The following KLHL4 variants were observed in gnomAD, a reference collection of about 807,000 sequenced individuals.
The protein encoded by KLHL4 is kelch like family member 4.
Under a neutral mutation model 45.8 loss-of-function variants are expected in KLHL4, and 17 were observed. The ratio of observed to expected loss-of-function variants is 0.37; its 90% confidence interval spans 0.25 to 0.56. The LOEUF (loss-of-function observed/expected upper bound fraction) is 0.56, where lower values mean the gene tolerates loss of function less well. Among genes scored for constraint, KLHL4 ranks in the 20% least tolerant of loss-of-function variants. The probability of loss-of-function intolerance (pLI) is 0.79; values close to 1 mark genes in which losing one functional copy is unlikely to be tolerated. For synonymous variants in KLHL4, 224 were observed against 189.9 expected, an observed-to-expected ratio of 1.18 and a Z score of -1.47; for missense variants, 544 against 544.9, an observed-to-expected ratio of 1.00 and a Z score of 0.02.
intron 6 of KLHL4, among the ~76,000 whole-genome samples, chrX:87,628,657 C>T (rs1012970190): frequency 9.0e-6 from 1 of 111,366 alleles, no homozygotes; most frequent in Admixed American, 9.5e-5. Context: ...GAAATCACCA[C>T]CAAAGAACTT....
At chrX:87,597,191 T>C (rs897816795) in intron 1 of KLHL4, among the ~76,000 whole-genome samples, 1 of 110,906 alleles carries the variant, frequency 9.0e-6, no homozygotes, top group Non-Finnish European at 1.9e-5. Context: ...TTAAATGAGT[T>C]ACTTTATATG....
At chrX:87,632,754 G>C (rs1285737463) in intron 7 of KLHL4, among the ~76,000 whole-genome samples, 4 of 111,478 alleles carry the variant, frequency 3.6e-5, no homozygotes, top group Non-Finnish European at 7.5e-5. Context: ...GAAAGTACTT[G>C]ACTATTGCGA....
chrX:87,541,654 CTT>C, intron 1 of KLHL4, among the ~76,000 whole-genome samples: 1 of 111,119 alleles, frequency 9.0e-6, no homozygotes. Flanking sequence ...AATTAAATCT[CTT>C]TTGTTTATGA....
intron 1 of KLHL4, among the ~76,000 whole-genome samples, chrX:87,585,418 C>G (rs1327936901): frequency 9.0e-6 from 1 of 111,488 alleles, no homozygotes; most frequent in South Asian, 3.7e-4. Flanking sequence ...TACAACTTTT[C>G]AAGACATAGT....
At chrX:87,618,990 T>A (rs1432993804) in intron 4 of KLHL4, among the ~76,000 whole-genome samples, 1 of 111,804 alleles carries the variant, frequency 8.9e-6, no homozygotes, top group African/African-American at 3.2e-5. Context: ...TAGAGCATAT[T>A]AAATGGACAG....
intron 3 of KLHL4, 124 bp from the exon 4 acceptor site, chrX:87,617,807 TG>T (rs751997463): frequency 2.0e-6 from 1 of 500,234 alleles, no homozygotes; most frequent in African/African-American, 2.4e-5. Flanking sequence ...CCTCAAAATG[TG>T]CTCCAAATCT....
intron 6 of KLHL4, among the ~76,000 whole-genome samples, chrX:87,630,274 C>A (rs769252997): frequency 9.0e-6 from 1 of 111,476 alleles, no homozygotes; most frequent in South Asian, 3.8e-4. Context: ...CACAAATCTC[C>A]CAATAAAGGA....
At chrX:87,650,232 G>A (rs1222155755) in intron 9 of KLHL4, among the ~76,000 whole-genome samples, 1 of 110,713 alleles carries the variant, frequency 9.0e-6, no homozygotes. Flanking sequence ...AGTAGTTGAG[G>A]CTACAGGCAT....
At chrX:87,547,756 G>A (rs1013080490) in intron 1 of KLHL4, among the ~76,000 whole-genome samples, 1 of 110,968 alleles carries the variant, frequency 9.0e-6, no homozygotes, top group Non-Finnish European at 1.9e-5. Context: ...GGGAGGTGGA[G>A]CTTGCAGTGA....
chrX:87,518,214 TA>T lies in KLHL4; in HGVS notation c.324del (p.Lys108AsnfsTer22). 8.3e-7 allele frequency: 1 copy of T among 1,211,342 alleles called. No homozygotes were observed. The highest frequency in any genetic ancestry group is 1.1e-6 in the Non-Finnish European group (1 of 894,967). On this transcript the variant is annotated frameshift_variant, in exon 1 of 11. Coordinates refer to ENST00000373119, the MANE Select transcript of KLHL4 (RefSeq NM_019117.5). LOFTEE classifies it high-confidence loss of function. ...VHFQANEDTPKSVPEKNLFKE... is the reference protein window; with the variant it reads ...VHFQANEDTPXSVPEKNLFKE... ...ATTTTCAAGCAAATGAAGATACTCC[TA>T]AATCAGTTCCAGAGAAGAATTTATT...
intron 9 of KLHL4, among the ~76,000 whole-genome samples, chrX:87,644,996 A>T (rs935360631): frequency 1.8e-5 from 2 of 111,912 alleles, no homozygotes; most frequent in East Asian, 5.6e-4. Flanking sequence ...TTAGGCAAGG[A>T]TGTCATGACC....
chrX:87,666,068 C>G (rs1207247853), intron 10 of KLHL4, among the ~76,000 whole-genome samples: 2 of 111,818 alleles, frequency 1.8e-5, no homozygotes, highest in Non-Finnish European at 3.8e-5. Flanking sequence ...ATATTTTTGG[C>G]TGTGTCACTG....
chrX:87,630,160 A>C (rs1446877292), intron 6 of KLHL4, among the ~76,000 whole-genome samples: 1 of 111,733 alleles, frequency 8.9e-6, no homozygotes, highest in Non-Finnish European at 1.9e-5. Flanking sequence ...AGGAGCAGTT[A>C]TATATTTAAT....
chrX:87,651,786 C>T (rs1049766789), intron 9 of KLHL4, among the ~76,000 whole-genome samples: 5 of 111,960 alleles, frequency 4.5e-5, no homozygotes, highest in South Asian at 3.7e-4. Context: ...GTGCACAATG[C>T]AAGCTGTCAG....
At chrX:87,603,172 A>G (rs1397697092) in intron 1 of KLHL4, among the ~76,000 whole-genome samples, 2 of 111,902 alleles carry the variant, frequency 1.8e-5, no homozygotes, top group African/African-American at 6.5e-5. Context: ...GTGAAGGATA[A>G]TACATAAATC....
chrX:87,569,649 G>GA lies in KLHL4; in HGVS notation c.423-44226dup, dbSNP rs1347581227. ...TGAAATACTGTTCAGCCGTATAAAG[G>GA]AATGAAATACATACATGTTAAAACA... On this transcript the variant is annotated intron_variant, in intron 1 of 10. Transcript: ENST00000373119. Among the ~76,000 whole-genome samples the GA allele has an allele frequency of 6.3e-5, 7 of 111,513 alleles. No individual in the cohort carries two copies. The East Asian group carries it at 2.0e-3, about 32-fold the overall frequency.
At chrX:87,615,561 G>A (rs777616849) in intron 3 of KLHL4, among the ~76,000 whole-genome samples, 1 of 111,114 alleles carries the variant, frequency 9.0e-6, no homozygotes, top group African/African-American at 3.3e-5. Flanking sequence ...CATAACTAAA[G>A]AGTAGAAACA....
intron 1 of KLHL4, among the ~76,000 whole-genome samples, chrX:87,572,138 G>T (rs1932345024): frequency 3.6e-5 from 4 of 111,263 alleles, no homozygotes; most frequent in Admixed American, 1.9e-4. Flanking sequence ...TCTTGGTAAA[G>T]AAATTGTTTA....
chrX:87,606,405 C>T (rs1163413452), intron 1 of KLHL4, among the ~76,000 whole-genome samples: 1 of 110,111 alleles, frequency 9.1e-6, no homozygotes, highest in South Asian at 3.8e-4. Context: ...AATATACAGA[C>T]TAAAAGCATT....
Sources: allele counts gnomAD v4.1 joint callset (sites outside exome capture counted in the v4.1 genomes callset), GRCh38; gene constraint gnomAD v4.1.1; transcripts MANE v1.5; gene names NCBI Gene and HGNC (gene_info 2026-07-23, HGNC 2026-07-21).